Variants in CD276 observed in about 807,000 individuals in gnomAD.
CD276 encodes CD276 molecule, also known as CD276 antigen.
Under a neutral mutation model 50.0 loss-of-function variants are expected in CD276, and 34 were observed. The ratio of observed to expected loss-of-function variants is 0.68; its 90% CI spans 0.52 to 0.91. The LOEUF (loss-of-function observed/expected upper bound fraction) is 0.91. Ranked by LOEUF, CD276 falls within the 40% of genes least tolerant of loss-of-function variation. CD276 has a pLI of 0.00. For synonymous variants in CD276, 275 were observed against 313.0 expected (o/e 0.88, Z 1.28); for missense variants, 634 against 717.5 (o/e 0.88, Z 1.33).
intron 1 of CD276, among the ~76,000 whole-genome samples, chr15:73,697,038 G>T (rs1284686290): frequency 6.6e-6 from 1 of 152,126 alleles, no homozygotes; most frequent in African/African-American, 2.4e-5. Context: ...GTGGAATCTG[G>T]GCGTTCGTTC....
At chr15:73,705,473 T>C (rs1900613666) in intron 6 of CD276, among the ~76,000 whole-genome samples, 1 of 151,410 alleles carries the variant, frequency 6.6e-6, no homozygotes, top group Admixed American at 6.6e-5. Flanking sequence ...GAGTTCAGGC[T>C]CACTCCTCCT....
rs1180008483 is a variant in CD276, at chr15:73,687,373, G to A, written c.-55+2913G>A. Among the ~76,000 whole-genome samples the A allele has an allele frequency of 2.0e-5, 3 of 152,146 alleles. No homozygotes were observed. Among genetic ancestry groups the A allele is most frequent in the South Asian group, 2.1e-4 (1 of 4,826 alleles). ...GTCACATGCCCAAAGACACACAGCCGGCAAATGGTGGAGCTGGGCTGTTGT... is the reference window on the plus strand; with the variant it reads ...GTCACATGCCCAAAGACACACAGCCAGCAAATGGTGGAGCTGGGCTGTTGT... On this transcript the variant is annotated intron_variant, in intron 1 of 9. Transcript: ENST00000318443. The surrounding 1 kb of genome is among the most constrained non-coding windows in gnomAD (Gnocchi z 4.0).
rs72741493 is a variant in CD276, at chr15:73,687,786, C to A, written c.-55+3326C>A. ...CATTGGGAATCTGACCTTCTCTAGGCATAGGGAGCTTAATCTGCGGGAAGT... is the reference window on the plus strand; with the variant it reads ...CATTGGGAATCTGACCTTCTCTAGGAATAGGGAGCTTAATCTGCGGGAAGT... On this transcript the variant is annotated intron_variant, in intron 1 of 9. Coordinates refer to ENST00000318443, the MANE Select transcript of CD276 (RefSeq NM_001024736.2). The surrounding 1 kb of genome is among the most constrained non-coding windows in gnomAD (Gnocchi z 4.0). Among the ~76,000 whole-genome samples the A allele has an allele frequency of 0.017, 2,651 of 152,276 alleles. 42 individuals carry two copies. Among genetic ancestry groups the A allele is most frequent in the Non-Finnish European group, 0.025 (1,723 of 68,036 alleles).
chr15:73,714,159 C>G lies in CD276; in HGVS notation c.*1203C>G. 1 of 272,342 alleles carries G rather than the reference C, an allele frequency of 3.7e-6. No individual in the cohort carries two copies. Among genetic ancestry groups the G allele is most frequent in the South Asian group, 3.3e-5 (1 of 29,998 alleles). The allele number at this position is 272,342 out of a possible 1,614,324, so 16.9% of individuals were successfully genotyped here. On this transcript the variant is annotated 3_prime_UTR_variant, in exon 10 of 10. Transcript: ENST00000318443. ...GAGAATCTGGTGGTGTCCAAAATGTCTGTCCAGGTGTGGGCAGGTGGGCAG... is the reference window on the plus strand; with the variant it reads ...GAGAATCTGGTGGTGTCCAAAATGTGTGTCCAGGTGTGGGCAGGTGGGCAG...
At chr15:73,708,858 C>T (rs554029664) in intron 7 of CD276, among the ~76,000 whole-genome samples, 5 of 152,326 alleles carry the variant, frequency 3.3e-5, no homozygotes, top group East Asian at 1.9e-4. Flanking sequence ...ATGCCAGGGG[C>T]GTGCATGGCA....
At chr15:73,700,964 C>T (rs1191010536) in intron 2 of CD276, among the ~76,000 whole-genome samples, 4 of 26,168 alleles carry the variant, frequency 1.5e-4, no homozygotes, top group South Asian at 2.8e-3. Flanking sequence ...AGTGCAGTGG[C>T]GCGATCTCGG....
At position 73,702,816 on chromosome 15, in the gene CD276, C is replaced by T; in HGVS notation, c.463C>T (p.Leu155=). 6.2e-7 allele frequency: 1 copy of T among 1,614,052 alleles called. No individual in the cohort carries two copies. Among genetic ancestry groups the T allele is most frequent in the Non-Finnish European group, 8.5e-7 (1 of 1,179,990 alleles). Reference sequence around the variant, plus strand: ...CATGACCCTGGAGCCCAACAAGGACCTGCGGCCAGGGGACACGGTGACCAT... The same window carrying T: ...CATGACCCTGGAGCCCAACAAGGACTTGCGGCCAGGGGACACGGTGACCAT... ...PSMTLEPNKD[L]RPGDTVTITC... Residue 155 remains leucine (L), a synonymous_variant, in exon 4 of 10, where the codon CTG becomes TTG. Transcript: ENST00000318443.
intron 1 of CD276, among the ~76,000 whole-genome samples, chr15:73,688,274 C>T (rs1331393556): frequency 6.6e-6 from 1 of 151,976 alleles, no homozygotes; most frequent in Non-Finnish European, 1.5e-5. Context: ...GAGGCCTTGT[C>T]CCCATGCTTG....
At chr15:73,699,077 G>A (rs2141556002) in intron 1 of CD276, among the ~76,000 whole-genome samples, 1 of 152,322 alleles carries the variant, frequency 6.6e-6, no homozygotes, top group South Asian at 2.1e-4. Flanking sequence ...GATAGCGGGT[G>A]GAGGTGCTGT....
intron 1 of CD276, among the ~76,000 whole-genome samples, chr15:73,688,095 G>A (rs1036549305): frequency 6.6e-6 from 1 of 152,150 alleles, no homozygotes; most frequent in African/African-American, 2.4e-5. Context: ...GTCGAGTTGT[G>A]CATTTGCTAC....
Position 73,687,869 on chromosome 15 carries a change from G to C in CD276, c.-55+3409G>C, listed in dbSNP as rs1182098686. Among the ~76,000 whole-genome samples, 1 of 152,166 alleles carries C rather than the reference G, an allele frequency of 6.6e-6. No individual in the cohort carries two copies. The highest frequency in any genetic ancestry group is 1.9e-4 in the East Asian group (1 of 5,188). ...GAGCAGGGAGAGATACTGTCTCTGG[G>C]AGGCAGGGGTCCCAAGTTACCCTAG... On this transcript the variant is annotated intron_variant, in intron 1 of 9. Transcript: ENST00000318443. The surrounding 1 kb of genome is among the most constrained non-coding windows in gnomAD (Gnocchi z 4.0).
chr15:73,712,913 T>C (rs999672419), intron 9 of CD276, 21 bp from the exon 10 acceptor site: 11 of 1,613,004 alleles, frequency 6.8e-6, no homozygotes, highest in East Asian at 4.5e-5. Flanking sequence ...CCCTTTTTTT[T>C]CTTCCCATCA....
rs747735855 is a variant in CD276 at position 73,703,724 on chromosome 15, C to T, written c.799C>T (p.Arg267Cys). 38 of 1,613,290 alleles carry T rather than the reference C, an allele frequency of 2.4e-5. No individual in the cohort carries two copies. The highest frequency in any genetic ancestry group is 9.9e-5 in the South Asian group (9 of 91,064). Residue 267 changes from arginine (R) to cysteine (C), a missense_variant, in exon 5 of 10, where the codon CGC (arginine) becomes TGC (cysteine). Arg to Cys is a radical substitution (Grantham distance 180). Transcript: ENST00000318443. The stretch of plus-strand genomic sequence containing the variant: ...CCTAGTGGGCACCGATGCCACCCTG[C>T]GCTGCTCCTTCTCCCCCGAGCCTGG... ...VALVGTDATL[R>C]CSFSPEPGFS...
chr15:73,711,080 C>T, intron 8 of CD276, 55 bp from the exon 9 acceptor site: 4 of 1,600,868 alleles, frequency 2.5e-6, no homozygotes, highest in Non-Finnish European at 3.4e-6. Flanking sequence ...TGACTCCCTA[C>T]CCCACCACTT....
intron 9 of CD276, 46 bp downstream of exon 9, chr15:73,711,216 T>A: frequency 6.3e-7 from 1 of 1,591,044 alleles, no homozygotes; most frequent in Non-Finnish European, 8.6e-7. Flanking sequence ...TGCACACATC[T>A]GTGTGTGAGA....
At position 73,713,123 on chromosome 15, in the gene CD276, T is replaced by C; in HGVS notation, c.*167T>C. 1 of 585,764 alleles carries C rather than the reference T, an allele frequency of 1.7e-6. No individual in the cohort carries two copies. Among genetic ancestry groups the C allele is most frequent in the Non-Finnish European group, 3.0e-6 (1 of 337,980 alleles). The allele number at this position is 585,764 out of a possible 1,614,324, so 36.3% of individuals were successfully genotyped here. On this transcript the variant is annotated 3_prime_UTR_variant, in exon 10 of 10. Coordinates refer to ENST00000318443, the MANE Select transcript of CD276 (RefSeq NM_001024736.2). ...CCACTGTGCAGCCTTATTTCTCCAA[T>C]GGACATGATTCCCAAGTCATCCTGC...
In CD276 at chr15:73,702,247, A is replaced by C. The variant is rs781268728; in HGVS notation, c.80-8A>C. 1 of 1,598,450 alleles carries C rather than the reference A, an allele frequency of 6.3e-7. No homozygotes were observed. The highest frequency in any genetic ancestry group is 1.3e-5 in the African/African-American group (1 of 74,518). ...CCCTTATATGTTCTCCACTCCCCCT[A>C]CCCCCAGGAGCCCTGGAGGTCCAGG... On this transcript the variant is annotated splice_region_variant and splice_polypyrimidine_tract_variant and intron_variant, in intron 2 of 9. Transcript: ENST00000318443.
At chr15:73,709,992 C>T (rs1182482757) in intron 8 of CD276, among the ~76,000 whole-genome samples, 3 of 146,302 alleles carry the variant, frequency 2.1e-5, no homozygotes, top group Non-Finnish European at 4.4e-5. Context: ...GGGGTGGGAG[C>T]AGGGGCTCCG....
chr15:73,691,571 A>T (rs1022060979), intron 1 of CD276, among the ~76,000 whole-genome samples: 8 of 152,212 alleles, frequency 5.3e-5, no homozygotes, highest in African/African-American at 1.9e-4. Context: ...TCCATGAGCC[A>T]GGTCTTGTAA....
Sources: allele counts gnomAD v4.1 joint callset (sites outside exome capture counted in the v4.1 genomes callset), GRCh38; gene constraint gnomAD v4.1.1; non-coding constraint Gnocchi (gnomAD v3.1); transcripts MANE v1.5; gene names NCBI Gene and HGNC (gene_info 2026-07-23, HGNC 2026-07-21).